The following SS18L1 variants were observed in gnomAD, a reference collection of about 807,000 sequenced individuals.
SS18L1 encodes calcium-responsive transactivator.
In SS18L1, 32 loss-of-function variants were observed where a neutral mutation model predicts 70.3. The observed-to-expected ratio is 0.46, with a 90% CI of 0.34 to 0.61. SS18L1 has a LOEUF of 0.61. SS18L1 is among the 20% of genes least tolerant of loss of function. SS18L1 has a pLI of 0.01. For synonymous variants in SS18L1, 237 were observed against 229.7 expected, an observed-to-expected ratio of 1.03 and a Z score of -0.29; for missense variants, 430 against 542.1, an observed-to-expected ratio of 0.79 and a Z score of 2.05.
At position 62,143,808 on chromosome 20, in the gene SS18L1, C is replaced by A; in HGVS notation, c.-13C>A. On this transcript the variant is annotated 5_prime_UTR_variant, in exon 1 of 11. Transcript: ENST00000331758. ...CACCTCGATGACCACGGGCTGAGCCCCGCGCCGCCACCATGTCCGTGGCCT... is the reference window on the plus strand; with the variant it reads ...CACCTCGATGACCACGGGCTGAGCCACGCGCCGCCACCATGTCCGTGGCCT... The A allele has an allele frequency of 2.2e-6, 3 of 1,357,972 alleles. No homozygotes were observed. Among genetic ancestry groups the A allele is most frequent in the Non-Finnish European group, 2.9e-6 (3 of 1,025,580 alleles). The allele number at this position is 1,357,972 out of a possible 1,614,324, so 84.1% of individuals were successfully genotyped here.
At chr20:62,153,126 G>C (rs539804797) in intron 1 of SS18L1, among the ~76,000 whole-genome samples, 2 of 152,314 alleles carry the variant, frequency 1.3e-5, no homozygotes, top group Non-Finnish European at 1.5e-5. Flanking sequence ...TTCACAAGGC[G>C]GCAGGAAGGA....
At chr20:62,160,617 C>T (rs1053331201) in intron 3 of SS18L1, among the ~76,000 whole-genome samples, 1 of 152,178 alleles carries the variant, frequency 6.6e-6, no homozygotes, top group Admixed American at 6.5e-5. Flanking sequence ...ACAGTGAAGA[C>T]GAGGTCGTGC....
In SS18L1 at chr20:62,174,596, G is replaced by A. The variant is rs780623917; in HGVS notation, c.1116G>A (p.Pro372=). The change falls in exon 10 of 11, where the codon CCG becomes CCA. Residue 372 remains proline (P), a synonymous_variant. Transcript: ENST00000331758. This position sits in a 1 kb window ranked among gnomAD's most constrained non-coding sequence, Gnocchi z 4.1. ...AGCAGTACGGAAGCTACCGAGCACC[G>A]CAGACAGCGCCGTCTGCCCAGCAGC... ...QGQQYGSYRA[P]QTAPSAQQQR... 6.8e-6 allele frequency: 11 copies of A among 1,613,730 alleles called. No individual in the cohort carries two copies. Among genetic ancestry groups the A allele is most frequent in the African/African-American group, 4.0e-5 (3 of 75,048 alleles).
rs375205678 is a variant in SS18L1 at position 62,174,684 on chromosome 20, C to T, written c.1164+40C>T. ...TGTTTCCAGATGTGCCCATCCGCCG[C>T]GCCTGTCGAGACATAATGAAGATTT... On this transcript the variant is annotated intron_variant, in intron 10 of 10. Transcript: ENST00000331758. This position sits in a 1 kb window ranked among gnomAD's most constrained non-coding sequence, Gnocchi z 4.1. The T allele has an allele frequency of 4.7e-5, 75 of 1,612,808 alleles. No homozygotes were observed. Among genetic ancestry groups the T allele is most frequent in the Non-Finnish European group, 5.7e-5 (67 of 1,179,942 alleles).
intron 8 of SS18L1, among the ~76,000 whole-genome samples, chr20:62,171,703 A>G (rs946891035): frequency 6.6e-6 from 1 of 152,246 alleles, no homozygotes; most frequent in Non-Finnish European, 1.5e-5. Flanking sequence ...AGTTATTTCC[A>G]ACCAGAAAAG....
At chr20:62,177,604 CCT>C (rs2057642881) in intron 10 of SS18L1, among the ~76,000 whole-genome samples, 2 of 152,212 alleles carry the variant, frequency 1.3e-5, no homozygotes, top group Non-Finnish European at 2.9e-5. Flanking sequence ...GTTGTCTTCC[CCT>C]GTGGCAGTCT....
At chr20:62,175,189 C>T (rs2057600559) in intron 10 of SS18L1, 1 of 967,010 alleles carries the variant, frequency 1.0e-6, no homozygotes, top group African/African-American at 1.8e-5. Flanking sequence ...AGGGGGAAGC[C>T]CTTTCTGCCC....
chr20:62,171,898 C>G (rs115370066), intron 8 of SS18L1, among the ~76,000 whole-genome samples: 2,468 of 152,218 alleles, frequency 0.016, 48 homozygotes, highest in African/African-American at 0.054. Context: ...CACCGTGGCT[C>G]ACGCCTGTAA....
At chr20:62,162,284 T>C (rs1159141404) in intron 4 of SS18L1, among the ~76,000 whole-genome samples, 2 of 151,726 alleles carry the variant, frequency 1.3e-5, no homozygotes, top group Non-Finnish European at 2.9e-5. Flanking sequence ...TTTGCTAGCA[T>C]GTACGCTGCT....
chr20:62,168,031 T>C (rs1485935748), intron 8 of SS18L1, among the ~76,000 whole-genome samples: 2 of 149,044 alleles, frequency 1.3e-5, no homozygotes, highest in Non-Finnish European at 3.0e-5. Context: ...GGTCTTGCCA[T>C]GTTGCCCAGG....
Position 62,143,790 on chromosome 20 carries a change from A to G in SS18L1, c.-31A>G, listed in dbSNP as rs755976813. On this transcript the variant is annotated 5_prime_UTR_variant, in exon 1 of 11. It removes an upstream start codon present in the reference 5' UTR. Coordinates refer to ENST00000331758, the MANE Select transcript of SS18L1 (RefSeq NM_198935.3). ...CAGCGCAGCCGGAGTATCCACCTCG[A>G]TGACCACGGGCTGAGCCCCGCGCCG... 2 of 1,333,010 alleles carry G rather than the reference A, an allele frequency of 1.5e-6. No individual in the cohort carries two copies. The highest frequency in any genetic ancestry group is 9.0e-5 in the East Asian group (2 of 22,142). 82.6% of individuals were successfully genotyped at this position (1,333,010 alleles called of 1,614,324 possible). A position where few individuals can be genotyped will look rare whatever the true frequency, so the allele number is the denominator to read the frequency against.
In SS18L1 at chr20:62,144,204, C is replaced by T. The variant is rs576791315; in HGVS notation, c.69+315C>T. Among the ~76,000 whole-genome samples the T allele has an allele frequency of 2.0e-4, 30 of 151,492 alleles. No individual in the cohort carries two copies. The South Asian group carries it at 4.6e-3, about 23-fold the overall frequency. On this transcript the variant is annotated intron_variant, in intron 1 of 10. Transcript: ENST00000331758. ...GGCTGCCGGCCCCCGAGCGCGCTGTCCCCCGAGTCCGCGGCGCGCGCTGGG... is the reference window on the plus strand; with the variant it reads ...GGCTGCCGGCCCCCGAGCGCGCTGTTCCCCGAGTCCGCGGCGCGCGCTGGG...
At chr20:62,144,015 G>C (rs1224874792) in intron 1 of SS18L1, 126 bp downstream of exon 1, 1 of 527,948 alleles carries the variant, frequency 1.9e-6, no homozygotes, top group Non-Finnish European at 2.4e-6. Flanking sequence ...GCGGCCGCGA[G>C]CCCCGACGGC....
Position 62,181,446 on chromosome 20 carries a change from T to G in SS18L1, c.*2238T>G. 4.8e-6 allele frequency: 1 copy of G among 210,012 alleles called. No homozygotes were observed. The highest frequency in any genetic ancestry group is 9.7e-6 in the Non-Finnish European group (1 of 103,196). 13.0% of individuals were successfully genotyped at this position (210,012 alleles called of 1,614,324 possible). Reference sequence around the variant, plus strand: ...TGTGAAGATAGTTTATTTTTATTCCTTGCCAATCTGGGAATATGCCTTTTT... The same window carrying G: ...TGTGAAGATAGTTTATTTTTATTCCGTGCCAATCTGGGAATATGCCTTTTT... On this transcript the variant is annotated 3_prime_UTR_variant, in exon 11 of 11. Transcript: ENST00000331758.
At chr20:62,179,067 C>T in intron 10 of SS18L1, 115 bp from the exon 11 acceptor site, 1 of 1,136,450 alleles carries the variant, frequency 8.8e-7, no homozygotes, top group Non-Finnish European at 1.3e-6. Context: ...GAGATGTGAG[C>T]AGAGGTTGTT....
At position 62,177,619 on chromosome 20, in the gene SS18L1, C is replaced by T. The variant is rs117777035; in HGVS notation, c.1165-1563C>T. ...GTTGTCTTCCCCTGTGGCAGTCTCCCGAGTGGCTTTCACCACAGGTCCGAT... is the reference window on the plus strand; with the variant it reads ...GTTGTCTTCCCCTGTGGCAGTCTCCTGAGTGGCTTTCACCACAGGTCCGAT... On this transcript the variant is annotated intron_variant, in intron 10 of 10. Coordinates refer to ENST00000331758, the MANE Select transcript of SS18L1 (RefSeq NM_198935.3). Among the ~76,000 whole-genome samples, 338 of 152,326 alleles carry T rather than the reference C, an allele frequency of 2.2e-3. 9 individuals carry two copies. The East Asian group carries it at 0.039, about 18-fold the overall frequency.
At chr20:62,170,909 TATGTTTTTTTGA>T (rs2057520248) in intron 8 of SS18L1, among the ~76,000 whole-genome samples, 1 of 151,626 alleles carries the variant, frequency 6.6e-6, no homozygotes, top group Admixed American at 6.6e-5. Context: ...TTTTTTTGTT[TATGTTTTTTTGA>T]GATGGAGTCT....
chr20:62,165,459 G>A lies in SS18L1; in HGVS notation c.861G>A (p.Thr287=), dbSNP rs544363602. ...ACGCCTACCAGCAGTCATCCTACAC[G>A]GAGCAGAGCTACGACCGGTCCTTCG... ...GDYAYQQSSY[T]EQSYDRSFEE... Residue 287 remains threonine, a synonymous_variant, in exon 8 of 11, where the codon ACG becomes ACA. Coordinates refer to ENST00000331758, the MANE Select transcript of SS18L1 (RefSeq NM_198935.3). 5.6e-6 allele frequency: 9 copies of A among 1,613,220 alleles called. No individual in the cohort carries two copies. The highest frequency in any genetic ancestry group is 2.7e-5 in the African/African-American group (2 of 75,050).
chr20:62,171,046 C>T (rs1461892129), intron 8 of SS18L1, among the ~76,000 whole-genome samples: 2 of 151,542 alleles, frequency 1.3e-5, no homozygotes, highest in South Asian at 2.1e-4. Flanking sequence ...GGACTACAGG[C>T]TCCCGCCACC....
Sources: allele counts gnomAD v4.1 joint callset (sites outside exome capture counted in the v4.1 genomes callset), GRCh38; gene constraint gnomAD v4.1.1; non-coding constraint Gnocchi (gnomAD v3.1); transcripts MANE v1.5; gene names NCBI Gene and HGNC (gene_info 2026-07-23, HGNC 2026-07-21).